Variants in FHIT observed in about 807,000 individuals in gnomAD.
The protein encoded by FHIT is fragile histidine triad diadenosine triphosphatase, also known as bis(5'-adenosyl)-triphosphatase.
In FHIT, 19 loss-of-function variants were observed where a neutral mutation model predicts 17.9. The observed-to-expected ratio is 1.06, with a 90% CI of 0.74 to 1.56. The LOEUF (loss-of-function observed/expected upper bound fraction) is 1.56. FHIT is among the 40% of genes most tolerant of loss of function. The pLI is 0.00. For synonymous variants in FHIT, 81 were observed against 69.7 expected, an observed-to-expected ratio of 1.16 and a Z score of -0.81; for missense variants, 248 against 189.2, an observed-to-expected ratio of 1.31 and a Z score of -1.82.
intron 5 of FHIT, among the ~76,000 whole-genome samples, chr3:60,533,772 A>G (rs367860108): frequency 6.6e-6 from 1 of 152,218 alleles, no homozygotes. Flanking sequence ...AGCCAGTACA[A>G]TGAAGGTCCT....
intron 5 of FHIT, among the ~76,000 whole-genome samples, chr3:60,294,247 T>A (rs1708108714): frequency 1.3e-5 from 2 of 152,200 alleles, no homozygotes; most frequent in South Asian, 4.1e-4. Flanking sequence ...ATAAGATAAA[T>A]AACATAACAG....
At chr3:60,665,848 C>T (rs62251489) in intron 4 of FHIT, among the ~76,000 whole-genome samples, 5,074 of 152,090 alleles carry the variant, frequency 0.033, 120 homozygotes, top group South Asian at 0.098. Context: ...GTTCTCATTC[C>T]TCTGTTTCTC....
chr3:60,449,911 G>A (rs1426742619), intron 5 of FHIT, among the ~76,000 whole-genome samples: 1 of 149,310 alleles, frequency 6.7e-6, no homozygotes, highest in Non-Finnish European at 1.5e-5. Context: ...GCTGAGGCAG[G>A]AGAATCACTT....
intron 2 of FHIT, among the ~76,000 whole-genome samples, chr3:61,198,759 C>G (rs1256202181): frequency 6.6e-6 from 1 of 152,094 alleles, no homozygotes; most frequent in Non-Finnish European, 1.5e-5. Flanking sequence ...TCCTAAGGAC[C>G]AAGCAGAATT....
At chr3:61,214,017 G>A (rs1229249547) in intron 1 of FHIT, among the ~76,000 whole-genome samples, 1 of 151,940 alleles carries the variant, frequency 6.6e-6, no homozygotes, top group Non-Finnish European at 1.5e-5. Flanking sequence ...GTGTATAGAG[G>A]GAAATTTATA....
At chr3:60,289,227 G>A (rs981945395) in intron 5 of FHIT, among the ~76,000 whole-genome samples, 1 of 152,116 alleles carries the variant, frequency 6.6e-6, no homozygotes, top group Non-Finnish European at 1.5e-5. Context: ...AGGAACATCT[G>A]TTCTCCATGG....
At chr3:60,229,204 G>C (rs1307678312) in intron 5 of FHIT, among the ~76,000 whole-genome samples, 1 of 152,046 alleles carries the variant, frequency 6.6e-6, no homozygotes, top group East Asian at 1.9e-4. Flanking sequence ...ATTACTTGAG[G>C]CAAGGAGTTT....
intron 4 of FHIT, among the ~76,000 whole-genome samples, chr3:60,689,988 T>C (rs1273251905): frequency 6.6e-6 from 1 of 152,226 alleles, no homozygotes; most frequent in Non-Finnish European, 1.5e-5. Flanking sequence ...CACTTCTCTG[T>C]TACTGAATTC....
intron 5 of FHIT, among the ~76,000 whole-genome samples, chr3:60,309,530 GT>G (rs1173702141): frequency 6.6e-6 from 1 of 152,150 alleles, no homozygotes; most frequent in African/African-American, 2.4e-5. Flanking sequence ...CTCAAGTGGT[GT>G]GACAGAGGAC....
intron 8 of FHIT, among the ~76,000 whole-genome samples, chr3:59,870,787 G>T (rs774175111): frequency 3.3e-5 from 5 of 152,126 alleles, no homozygotes; most frequent in African/African-American, 1.2e-4. Context: ...GTTATTGCTA[G>T]AAGCAGACAC....
chr3:60,884,877 C>A (rs1285613825), intron 3 of FHIT, among the ~76,000 whole-genome samples: 5 of 143,646 alleles, frequency 3.5e-5, no homozygotes, highest in African/African-American at 1.3e-4. Flanking sequence ...TTTAACTTTA[C>A]TCCAGCCTAG....
chr3:60,722,423 C>A (rs1222912085), intron 4 of FHIT, among the ~76,000 whole-genome samples: 1 of 152,168 alleles, frequency 6.6e-6, no homozygotes, highest in East Asian at 1.9e-4. Flanking sequence ...ATTTGTCTCA[C>A]TCCTCCTTGA....
intron 5 of FHIT, among the ~76,000 whole-genome samples, chr3:60,258,347 T>C (rs1004385156): frequency 5.3e-5 from 8 of 152,108 alleles, no homozygotes; most frequent in African/African-American, 1.9e-4. Flanking sequence ...TTCCTCAGGA[T>C]TCCCTTGTTT....
At chr3:60,050,408 G>C (rs1405882382) in intron 5 of FHIT, among the ~76,000 whole-genome samples, 7 of 151,892 alleles carry the variant, frequency 4.6e-5, no homozygotes, top group Non-Finnish European at 8.8e-5. Context: ...TCCATATTTG[G>C]ATCTTCAGTC....
chr3:60,951,554 G>C (rs1392452027), intron 3 of FHIT, among the ~76,000 whole-genome samples: 1 of 152,200 alleles, frequency 6.6e-6, no homozygotes, highest in African/African-American at 2.4e-5. Flanking sequence ...GTGAAGCCAG[G>C]ACTGGAATGC....
chr3:60,781,311 A>C (rs1222794823), intron 4 of FHIT, among the ~76,000 whole-genome samples: 1 of 152,202 alleles, frequency 6.6e-6, no homozygotes, highest in Non-Finnish European at 1.5e-5. Context: ...ACTATGCTAT[A>C]CTGGGAACCC....
chr3:60,912,896 G>T (rs540426026), intron 3 of FHIT: 1 of 408,948 alleles, frequency 2.4e-6, no homozygotes, highest in Middle Eastern at 4.1e-4. Flanking sequence ...CCATGTGTAT[G>T]TGCAAGTACA....
intron 5 of FHIT, among the ~76,000 whole-genome samples, chr3:60,125,353 C>T (rs1705492752): frequency 6.6e-6 from 1 of 152,108 alleles, no homozygotes; most frequent in Non-Finnish European, 1.5e-5. Context: ...ACATGTAGGC[C>T]AGGCGTAGTG....
intron 5 of FHIT, among the ~76,000 whole-genome samples, chr3:60,446,034 T>A (rs920977563): frequency 6.6e-6 from 1 of 152,014 alleles, no homozygotes; most frequent in African/African-American, 2.4e-5. Flanking sequence ...AAAGCAGCAG[T>A]TGGAAACTGA....
Sources: gnomAD v4.1 joint callset for allele counts (sites outside exome capture counted in the v4.1 genomes callset) on GRCh38, gnomAD v4.1.1 for gene constraint, MANE v1.5 for transcripts, NCBI Gene and HGNC (gene_info 2026-07-23, HGNC 2026-07-21) for gene names.